The following GSAP variants were observed in gnomAD, a reference collection of about 807,000 sequenced individuals.
GSAP encodes gamma-secretase-activating protein.
GSAP carries 118 observed loss-of-function variants against 131.7 expected under a neutral mutation model. That is an observed-to-expected ratio of 0.90 (90% confidence interval 0.77 to 1.04). The LOEUF (loss-of-function observed/expected upper bound fraction) is 1.04. GSAP is among the 50% of genes least tolerant of loss of function. The pLI, the probability that GSAP is intolerant of heterozygous loss-of-function variation, is 0.00. For synonymous variants in GSAP, 381 were observed against 363.4 expected (o/e 1.05, Z -0.55); for missense variants, 1,019 against 1,013.2 (o/e 1.01, Z -0.08).
chr7:77,416,078 AG>A, intron 1 of GSAP, 134 bp downstream of exon 1: 1 of 512,310 alleles, frequency 2.0e-6, no homozygotes, highest in Non-Finnish European at 3.4e-6. Context: ...CCCTCTGAGG[AG>A]GGGAGCGACG....
At chr7:77,360,521 T>A (rs1049052976) in intron 14 of GSAP, among the ~76,000 whole-genome samples, 3 of 152,226 alleles carry the variant, frequency 2.0e-5, no homozygotes, top group Non-Finnish European at 4.4e-5. Context: ...CAAGTTATCA[T>A]TTTTATGTTA....
intron 26 of GSAP, among the ~76,000 whole-genome samples, chr7:77,316,990 TAACTCAAACAGTC>T (rs1795030279): frequency 6.6e-6 from 1 of 152,164 alleles, no homozygotes; most frequent in African/African-American, 2.4e-5. Context: ...CTGACAATCG[TAACTCAAACAGTC>T]ATCATTAGTC....
intron 12 of GSAP, among the ~76,000 whole-genome samples, chr7:77,371,732 C>T (rs1213417788): frequency 5.3e-5 from 8 of 152,104 alleles, no homozygotes; most frequent in African/African-American, 1.4e-4. Flanking sequence ...CCACCGTACC[C>T]GGCCCAATCC....
chr7:77,404,080 C>CA (rs1364258660), intron 3 of GSAP, among the ~76,000 whole-genome samples: 5 of 152,152 alleles, frequency 3.3e-5, no homozygotes, highest in Admixed American at 6.5e-5. Context: ...CTGTCATACT[C>CA]AATCGAGTTA....
At chr7:77,312,039 G>A in intron 29 of GSAP, 62 bp downstream of exon 29, 1 of 1,224,176 alleles carries the variant, frequency 8.2e-7, no homozygotes, top group Non-Finnish European at 1.2e-6. Context: ...ATACAGATAT[G>A]TTGTCACGGG....
Position 77,323,745 on chromosome 7 carries a change from G to A in GSAP, c.1828-3C>T, listed in dbSNP as rs921170413. On this transcript the variant is annotated splice_polypyrimidine_tract_variant and splice_region_variant and intron_variant, in intron 23 of 30. Transcript: ENST00000257626. ...TGGTCTTTTAGCTCAGACACCATCT[G>A]AAAACAGGATATGCATTAAATAAGT... 1 of 1,496,594 alleles carries A rather than the reference G, an allele frequency of 6.7e-7. No homozygotes were observed. Among genetic ancestry groups the A allele is most frequent in the Non-Finnish European group, 9.3e-7 (1 of 1,078,536 alleles). 92.7% of individuals were successfully genotyped at this position (1,496,594 alleles called of 1,614,324 possible). A position where few individuals can be genotyped will look rare whatever the true frequency, so the allele number is the denominator to read the frequency against.
intron 19 of GSAP, chr7:77,330,821 A>G (rs933353775): frequency 2.4e-5 from 24 of 984,168 alleles, no homozygotes; most frequent in Non-Finnish European, 2.9e-5. Flanking sequence ...TGCTAAATTT[A>G]TTTACTGCCC....
In GSAP at chr7:77,334,579, TTAAAA is replaced by T. The variant is rs1433923779; in HGVS notation, c.1546-4217_1546-4213del. ...GCCCATGTATCCTGGAACTTAAAAT[TTAAAA>T]AAAAAAAAAAAAAAAAAAAAAAGAT... On this transcript the variant is annotated intron_variant, in intron 19 of 30. Coordinates refer to ENST00000257626, the MANE Select transcript of GSAP (RefSeq NM_017439.4). 6.1e-4 allele frequency among the ~76,000 whole-genome samples: 50 copies of T among 82,402 alleles called. 2 individuals are homozygous for T. Among genetic ancestry groups the T allele is most frequent in the South Asian group, 2.4e-3 (5 of 2,118 alleles). 54.1% of individuals were successfully genotyped at this position (82,402 alleles called of 152,430 possible). A position where few individuals can be genotyped will look rare whatever the true frequency, so the allele number is the denominator to read the frequency against.
chr7:77,358,206 G>A (rs371666851), intron 14 of GSAP, among the ~76,000 whole-genome samples: 3 of 152,340 alleles, frequency 2.0e-5, no homozygotes, highest in African/African-American at 7.2e-5. Context: ...GCTGGGCATG[G>A]CGGCATGCGC....
intron 11 of GSAP, among the ~76,000 whole-genome samples, chr7:77,374,364 AAT>A (rs757416358): frequency 3.3e-5 from 5 of 152,186 alleles, no homozygotes; most frequent in Non-Finnish European, 7.4e-5. Context: ...ACAAGGAAAA[AAT>A]ATTACTTTCA....
chr7:77,382,585 GA>G lies in GSAP; in HGVS notation c.514del (p.Ser172GlnfsTer22). The stretch of plus-strand genomic sequence containing the variant: ...AAAGATACACTTACATTTCTCTTCT[GA>G]AATCAGTAACAGATGGTTCTCTGGA... ...PLPENHLLLISEEKYIEQFRI... is the reference protein window; with the variant it reads ...PLPENHLLLIXEEKYIEQFRI... On this transcript the variant is annotated frameshift_variant, in exon 7 of 31. Coordinates refer to ENST00000257626, the MANE Select transcript of GSAP (RefSeq NM_017439.4). LOFTEE classifies it high-confidence loss of function. The G allele has an allele frequency of 6.5e-7, 1 of 1,545,748 alleles. No individual in the cohort carries two copies. The highest frequency in any genetic ancestry group is 8.9e-7 in the Non-Finnish European group (1 of 1,117,896).
At chr7:77,314,663 T>C in intron 26 of GSAP, 174 bp from the exon 27 acceptor site, 1 of 601,604 alleles carries the variant, frequency 1.7e-6, no homozygotes, top group Non-Finnish European at 2.9e-6. Context: ...CGTAACTAAA[T>C]ATCACGCTGG....
intron 12 of GSAP, among the ~76,000 whole-genome samples, chr7:77,370,571 A>G (rs994050525): frequency 6.6e-6 from 1 of 152,164 alleles, no homozygotes; most frequent in Admixed American, 6.5e-5. Flanking sequence ...TCACTATACC[A>G]GTTATCCTCT....
intron 8 of GSAP, 22 bp downstream of exon 8, chr7:77,381,283 G>A (rs769316392): frequency 4.4e-5 from 64 of 1,456,088 alleles, no homozygotes; most frequent in Middle Eastern, 3.5e-4. Context: ...CCTATGAAGC[G>A]AAAAGAATTT....
intron 12 of GSAP, among the ~76,000 whole-genome samples, chr7:77,364,632 C>G (rs1362699224): frequency 1.3e-5 from 2 of 151,960 alleles, no homozygotes; most frequent in African/African-American, 2.4e-5. Context: ...TGTAACTAAC[C>G]TGCACATTGT....
At position 77,330,254 on chromosome 7, in the gene GSAP, G is replaced by A. The variant is rs765785469; in HGVS notation, c.1659C>T (p.Asn553=). The A allele has an allele frequency of 6.2e-7, 1 of 1,612,610 alleles. No individual in the cohort carries two copies. The highest frequency in any genetic ancestry group is 1.7e-5 in the Admixed American group (1 of 59,820). The part of the protein sequence containing the change: ...NNSVVRREWH[N]LISEEKTGKR... ...CCACTCATACCTCTTCAGAGATCAG[G>A]TTGTGCCACTCTCTCCTGACCACAC... Residue 553 remains asparagine, a synonymous_variant, in exon 20 of 31, where the codon AAC becomes AAT. Coordinates refer to ENST00000257626, the MANE Select transcript of GSAP (RefSeq NM_017439.4).
chr7:77,331,939 T>C (rs1406424953), intron 19 of GSAP: 4 of 151,180 alleles, frequency 2.6e-5, no homozygotes, highest in African/African-American at 9.7e-5. Context: ...AGACGTTTGA[T>C]GGAATTAGGT....
intron 12 of GSAP, among the ~76,000 whole-genome samples, chr7:77,365,103 T>G (rs1795090071): frequency 6.6e-6 from 1 of 152,110 alleles, no homozygotes; most frequent in Non-Finnish European, 1.5e-5. Context: ...TAGGACTACA[T>G]GTGTGCCTGG....
intron 1 of GSAP, among the ~76,000 whole-genome samples, chr7:77,409,395 T>G (rs1802875960): frequency 6.6e-6 from 1 of 152,192 alleles, no homozygotes; most frequent in Non-Finnish European, 1.5e-5. Flanking sequence ...CTGCATTGTA[T>G]AAGGTATTCC....
Sources: gnomAD v4.1 joint callset for allele counts (sites outside exome capture counted in the v4.1 genomes callset) on GRCh38, gnomAD v4.1.1 for gene constraint, MANE v1.5 for transcripts, NCBI Gene and HGNC (gene_info 2026-07-23, HGNC 2026-07-21) for gene names.